Variants in TSHZ3 observed in about 807,000 individuals in gnomAD.
The protein encoded by TSHZ3 is teashirt homolog 3.
In TSHZ3, 10 loss-of-function variants were observed where a neutral mutation model predicts 64.5. The ratio of observed to expected loss-of-function variants is 0.16; its 90% CI spans 0.10 to 0.26. TSHZ3 has a LOEUF of 0.26. TSHZ3 is among the 10% of genes least tolerant of loss of function. TSHZ3 has a pLI of 1.00. For missense variants in TSHZ3, 1,242 were observed against 1,421.7 expected (o/e 0.87, Z 2.03); for synonymous variants, 608 against 593.1 (o/e 1.03, Z -0.36).
chr19:31,343,603 AGAT>A (rs568603948), intron 1 of TSHZ3, among the ~76,000 whole-genome samples: 228 of 152,306 alleles, frequency 1.5e-3, no homozygotes, highest in Non-Finnish European at 2.8e-3. Flanking sequence ...GGTCATAAGA[AGAT>A]TATGTTCTAT....
At chr19:31,180,881 C>T (rs532544397) in intron 5 of TSHZ3, among the ~76,000 whole-genome samples, 3 of 152,304 alleles carry the variant, frequency 2.0e-5, no homozygotes, top group Admixed American at 6.5e-5. Flanking sequence ...TCTGTATCTA[C>T]TACCACAACC....
chr19:31,211,286 A>G (rs1975256392), intron 4 of TSHZ3, among the ~76,000 whole-genome samples: 2 of 152,140 alleles, frequency 1.3e-5, no homozygotes, highest in Admixed American at 1.3e-4. Context: ...TGCATTCAAC[A>G]GGTAATTGTG....
At chr19:31,187,263 C>T (rs1974826497) in intron 5 of TSHZ3, among the ~76,000 whole-genome samples, 1 of 152,168 alleles carries the variant, frequency 6.6e-6, no homozygotes, top group Non-Finnish European at 1.5e-5. Context: ...AATGGAATCA[C>T]ACCATATGTA....
At chr19:31,254,327 C>T (rs1429351570) in intron 1 of TSHZ3, among the ~76,000 whole-genome samples, 1 of 152,154 alleles carries the variant, frequency 6.6e-6, no homozygotes, top group Non-Finnish European at 1.5e-5. Flanking sequence ...TTCTGGTCCC[C>T]AGCACGGCCG....
At chr19:31,318,173 A>G (rs775697828) in intron 1 of TSHZ3, among the ~76,000 whole-genome samples, 6 of 152,190 alleles carry the variant, frequency 3.9e-5, no homozygotes, top group Non-Finnish European at 5.9e-5. Context: ...CTTTCATTTT[A>G]TCTTTGTGTT....
intron 5 of TSHZ3, among the ~76,000 whole-genome samples, chr19:31,171,797 T>C (rs1425492482): frequency 6.6e-6 from 1 of 152,058 alleles, no homozygotes; most frequent in East Asian, 1.9e-4. Context: ...GTGATGTCAG[T>C]ATTGAGAAGG....
Position 31,256,101 on chromosome 19 carries a change from C to T in TSHZ3, n.64-13226G>A, listed in dbSNP as rs184520091. ...TGCAGCCTTGGTCCCCATGTTCACCCTCCCCGAGGCTCACTTTCTCCCCTT... is the reference window on the plus strand; with the variant it reads ...TGCAGCCTTGGTCCCCATGTTCACCTTCCCCGAGGCTCACTTTCTCCCCTT... On this transcript the variant is annotated intron_variant and non_coding_transcript_variant, in intron 1 of 6. Transcript: ENST00000651361. Among the ~76,000 whole-genome samples the T allele has an allele frequency of 2.8e-3, 419 of 152,266 alleles. 2 individuals carry two copies. Among genetic ancestry groups the T allele is most frequent in the African/African-American group, 9.7e-3 (401 of 41,554 alleles).
At chr19:31,173,141 G>A (rs1422245182) in intron 5 of TSHZ3, among the ~76,000 whole-genome samples, 1 of 152,144 alleles carries the variant, frequency 6.6e-6, no homozygotes, top group African/African-American at 2.4e-5. Context: ...ACTTGGGATG[G>A]GGCACACATA....
In TSHZ3 at chr19:31,275,385, C is replaced by T. The variant is rs537285178; in HGVS notation, c.*1162G>A. On this transcript the variant is annotated 3_prime_UTR_variant, in exon 2 of 2. Coordinates refer to ENST00000240587, the MANE Select transcript of TSHZ3 (RefSeq NM_020856.4). ...TTTAAGCAAAGTATTACAGTACAAA[C>T]ATTTTAAAGGCTTTATCAATGTTTA... 2 of 151,580 alleles carry T rather than the reference C, an allele frequency of 1.3e-5. No homozygotes were observed. The highest frequency in any genetic ancestry group is 4.8e-5 in the African/African-American group (2 of 41,320). 9.4% of individuals were successfully genotyped at this position (151,580 alleles called of 1,614,324 possible).
intron 5 of TSHZ3, among the ~76,000 whole-genome samples, chr19:31,188,788 C>T (rs958831379): frequency 6.6e-6 from 1 of 151,774 alleles, no homozygotes; most frequent in Non-Finnish European, 1.5e-5. Context: ...TATTTATTAG[C>T]ATTGAGCTAG....
intron 1 of TSHZ3, among the ~76,000 whole-genome samples, chr19:31,286,386 A>T (rs1288831660): frequency 6.6e-6 from 1 of 152,228 alleles, no homozygotes; most frequent in Non-Finnish European, 1.5e-5. Context: ...AAAACAAAAA[A>T]ACACAAAGAC....
chr19:31,219,662 A>G (rs186721243), intron 4 of TSHZ3, among the ~76,000 whole-genome samples: 1 of 151,996 alleles, frequency 6.6e-6, no homozygotes, highest in East Asian at 1.9e-4. Flanking sequence ...AAAACATTGA[A>G]GAACCTTTAT....
intron 3 of TSHZ3, among the ~76,000 whole-genome samples, chr19:31,237,428 C>T (rs548044136): frequency 3.3e-4 from 50 of 152,114 alleles, no homozygotes; most frequent in Non-Finnish European, 5.7e-4. Flanking sequence ...TATGTATTAA[C>T]ATTCTACAGG....
chr19:31,255,993 G>A (rs1296022396), intron 1 of TSHZ3, among the ~76,000 whole-genome samples: 4 of 152,118 alleles, frequency 2.6e-5, no homozygotes, highest in African/African-American at 9.7e-5. Context: ...AAGCGGAGGG[G>A]TGTGGGGTGC....
chr19:31,237,515 T>C (rs1975634412), intron 3 of TSHZ3, among the ~76,000 whole-genome samples: 1 of 152,156 alleles, frequency 6.6e-6, no homozygotes, highest in South Asian at 2.1e-4. Context: ...TTTGTCTTCC[T>C]AGAGATTTAC....
chr19:31,253,866 T>C (rs957701318), intron 1 of TSHZ3, among the ~76,000 whole-genome samples: 8 of 152,118 alleles, frequency 5.3e-5, no homozygotes, highest in African/African-American at 1.9e-4. Context: ...ACTTCTGTAA[T>C]GTGTGGCAAT....
upstream of TSHZ3, among the ~76,000 whole-genome samples, chr19:31,350,721 G>A (rs1448332905): frequency 5.3e-5 from 8 of 150,740 alleles, no homozygotes; most frequent in African/African-American, 1.9e-4. Flanking sequence ...CTCACTTACG[G>A]GCGGCGGTGA....
At chr19:31,293,108 C>T (rs113440497) in intron 1 of TSHZ3, among the ~76,000 whole-genome samples, 11,967 of 151,406 alleles carry the variant, frequency 0.079, 625 homozygotes, top group Admixed American at 0.14. Context: ...CACCCAAAAA[C>T]GTACCCATCC....
chr19:31,240,636 T>C (rs1282024436), intron 3 of TSHZ3, among the ~76,000 whole-genome samples: 1 of 152,202 alleles, frequency 6.6e-6, no homozygotes, highest in Non-Finnish European at 1.5e-5. Context: ...TTGGGGACAC[T>C]CACACTTTGA....
Sources: allele counts gnomAD v4.1 joint callset (sites outside exome capture counted in the v4.1 genomes callset), GRCh38; gene constraint gnomAD v4.1.1; transcripts MANE v1.5; gene names NCBI Gene and HGNC (gene_info 2026-07-23, HGNC 2026-07-21).